ANO3: variants seen among roughly 807,000 people sequenced by gnomAD.
ANO3 encodes anoctamin-3.
Under a neutral mutation model 144.8 loss-of-function variants are expected in ANO3, and 99 were observed. The ratio of observed to expected loss-of-function variants is 0.68; its 90% CI spans 0.58 to 0.81. ANO3 has a LOEUF of 0.81. ANO3 is among the 30% of genes least tolerant of loss of function. The probability of loss-of-function intolerance (pLI) is 0.00; values close to 1 mark genes in which losing one functional copy is unlikely to be tolerated. For synonymous variants in ANO3, 414 were observed against 392.6 expected (o/e 1.05, Z -0.64); for missense variants, 905 against 1,202.2 (o/e 0.75, Z 3.66).
intron 11 of ANO3, among the ~76,000 whole-genome samples, chr11:26,543,944 G>A (rs982735275): frequency 8.6e-5 from 13 of 151,704 alleles, no homozygotes; most frequent in African/African-American, 2.4e-4. Context: ...AACATTAAGT[G>A]TTTTGGTATG....
chr11:26,310,596 T>C (rs1854482713), intron 1 of ANO3, among the ~76,000 whole-genome samples: 1 of 152,224 alleles, frequency 6.6e-6, no homozygotes, highest in South Asian at 2.1e-4. Flanking sequence ...GCCTTGATTC[T>C]GGCATAAATC....
At chr11:26,516,961 A>G (rs1440080190) in intron 6 of ANO3, 34 bp downstream of exon 6, 3 of 1,275,278 alleles carry the variant, frequency 2.4e-6, no homozygotes, top group Non-Finnish European at 3.4e-6. Context: ...TTATCTCAAT[A>G]TATATTAAAA....
chr11:26,401,225 G>C (rs926546813), intron 1 of ANO3, among the ~76,000 whole-genome samples: 1 of 152,014 alleles, frequency 6.6e-6, no homozygotes, highest in Admixed American at 6.6e-5. Flanking sequence ...TGAGTTGGGA[G>C]ATCAGTCAGT....
At chr11:26,457,450 T>C (rs1028911981) in intron 3 of ANO3, among the ~76,000 whole-genome samples, 6 of 152,114 alleles carry the variant, frequency 3.9e-5, no homozygotes, top group Admixed American at 3.3e-4. Context: ...TAGGACTTTT[T>C]TGGTAGCCCT....
intron 1 of ANO3, among the ~76,000 whole-genome samples, chr11:26,270,635 G>A (rs891136006): frequency 7.2e-5 from 11 of 152,094 alleles, no homozygotes; most frequent in South Asian, 2.1e-4. Context: ...AATATATTAC[G>A]AATTCATTTA....
chr11:26,659,207 G>T (rs528596585), intron 26 of ANO3, among the ~76,000 whole-genome samples: 313 of 151,874 alleles, frequency 2.1e-3, no homozygotes, highest in Non-Finnish European at 3.8e-3. Flanking sequence ...CCTTTAAGAA[G>T]TACTACTATT....
intron 1 of ANO3, among the ~76,000 whole-genome samples, chr11:26,335,692 A>G (rs1855174569): frequency 6.6e-6 from 1 of 152,194 alleles, no homozygotes; most frequent in Admixed American, 6.5e-5. Context: ...ACTGTGCTTA[A>G]TAATAGCATT....
chr11:26,231,259 G>C (rs560229226), intron 1 of ANO3, among the ~76,000 whole-genome samples: 24 of 152,104 alleles, frequency 1.6e-4, no homozygotes, highest in Non-Finnish European at 2.9e-5. Context: ...TCTGACCTCG[G>C]GAGCCTTGGC....
At chr11:26,330,891 A>G (rs764496211), upstream of ANO3, among the ~76,000 whole-genome samples, 4 of 152,198 alleles carry the variant, frequency 2.6e-5, no homozygotes, top group Non-Finnish European at 5.9e-5. Context: ...TATTTGGATT[A>G]TTCACCTGAT....
At chr11:26,547,374 A>T (rs779126168) in intron 11 of ANO3, 42 bp from the exon 12 acceptor site, 35 of 1,592,362 alleles carry the variant, frequency 2.2e-5, no homozygotes, top group Admixed American at 6.8e-5. Context: ...AATATTGCTT[A>T]TGTTGCCTTA....
chr11:26,466,436 T>C (rs1369517164), intron 4 of ANO3, among the ~76,000 whole-genome samples: 1 of 152,026 alleles, frequency 6.6e-6, no homozygotes, highest in Non-Finnish European at 1.5e-5. Flanking sequence ...TGAACAGGCC[T>C]TGGTCCTCAT....
intron 3 of ANO3, 79 bp from the exon 4 acceptor site, chr11:26,462,951 A>C (rs538014019): frequency 1.6e-6 from 1 of 636,248 alleles, no homozygotes; most frequent in Admixed American, 3.2e-5. Context: ...GAAAACATGA[A>C]AGAGGAGAGA....
chr11:26,471,254 T>C (rs1462784475), intron 4 of ANO3, among the ~76,000 whole-genome samples: 2 of 151,930 alleles, frequency 1.3e-5, no homozygotes, highest in Non-Finnish European at 2.9e-5. Context: ...ATCTCTGAGA[T>C]ATACTCTCAG....
chr11:26,658,443 C>G (rs1853767127), intron 26 of ANO3, among the ~76,000 whole-genome samples: 1 of 71,178 alleles, frequency 1.4e-5, no homozygotes, highest in African/African-American at 3.7e-5. Flanking sequence ...GAAACCCCGT[C>G]TCTACTAAAA....
upstream of ANO3, among the ~76,000 whole-genome samples, chr11:26,329,327 C>CAGAG (rs10573538): frequency 1.8e-5 from 2 of 110,374 alleles, no homozygotes; most frequent in South Asian, 3.0e-4. Flanking sequence ...CACACACACA[C>CAGAG]AGAGAGAGAG....
At chr11:26,544,628 T>C (rs1418571144) in intron 11 of ANO3, among the ~76,000 whole-genome samples, 1 of 151,934 alleles carries the variant, frequency 6.6e-6, no homozygotes, top group Non-Finnish European at 1.5e-5. Flanking sequence ...TGTGAGGTAA[T>C]GCATATGTTA....
intron 14 of ANO3, among the ~76,000 whole-genome samples, chr11:26,593,224 G>C (rs61878570): frequency 6.6e-6 from 1 of 152,090 alleles, no homozygotes; most frequent in Non-Finnish European, 1.5e-5. Context: ...AGCATACTTA[G>C]AGTCTGTATA....
intron 1 of ANO3, among the ~76,000 whole-genome samples, chr11:26,335,370 C>T (rs550083464): frequency 1.3e-5 from 2 of 152,114 alleles, no homozygotes; most frequent in African/African-American, 4.8e-5. Flanking sequence ...ATATTGGACT[C>T]TTAGCAGTTC....
chr11:26,338,540 T>C (rs1256657225), intron 1 of ANO3, among the ~76,000 whole-genome samples: 1 of 152,210 alleles, frequency 6.6e-6, no homozygotes, highest in African/African-American at 2.4e-5. Context: ...AGCAACCCAC[T>C]GGGGTCCCCT....
Sources: allele counts gnomAD v4.1 joint callset (sites outside exome capture counted in the v4.1 genomes callset), GRCh38; gene constraint gnomAD v4.1.1; transcripts MANE v1.5; gene names NCBI Gene and HGNC (gene_info 2026-07-23, HGNC 2026-07-21).